The following OPCML variants were observed in gnomAD, a reference collection of about 807,000 sequenced individuals.
The protein encoded by OPCML is opioid binding protein/cell adhesion molecule like.
In OPCML, 13 loss-of-function variants were observed where a neutral mutation model predicts 37.8. That is an observed-to-expected ratio of 0.34 (90% confidence interval 0.22 to 0.55). OPCML has a LOEUF of 0.55. Ranked by LOEUF, OPCML falls within the 20% of genes least tolerant of loss-of-function variation. OPCML has a pLI of 0.91. For synonymous variants in OPCML, 176 were observed against 168.8 expected (o/e 1.04, Z -0.33); for missense variants, 341 against 435.6 (o/e 0.78, Z 1.93).
intron 1 of OPCML, among the ~76,000 whole-genome samples, chr11:133,158,698 AAAAATAAAATTAAAAAAAT>A (rs1281110261): frequency 2.9e-4 from 40 of 139,032 alleles, no homozygotes; most frequent in Non-Finnish European, 3.0e-5. Flanking sequence ...GACTCTGTCT[AAAAATAAAATTAAAAAAAT>A]AAAATAAAAT....
intron 2 of OPCML, among the ~76,000 whole-genome samples, chr11:132,748,150 T>A (rs1373041676): frequency 1.3e-5 from 2 of 151,782 alleles, no homozygotes; most frequent in Non-Finnish European, 2.9e-5. Flanking sequence ...AAAGTTATCA[T>A]AACAGATTGG....
chr11:133,333,978 T>C (rs1943684012), intron 1 of OPCML, among the ~76,000 whole-genome samples: 1 of 152,112 alleles, frequency 6.6e-6, no homozygotes, highest in African/African-American at 2.4e-5. Context: ...CTGTTTATAA[T>C]AAGTTAAAAA....
intron 1 of OPCML, among the ~76,000 whole-genome samples, chr11:133,303,696 G>A (rs1379377751): frequency 6.6e-6 from 1 of 152,100 alleles, no homozygotes; most frequent in Non-Finnish European, 1.5e-5. Context: ...ATAAACTGAT[G>A]TTAGTCATTT....
intron 2 of OPCML, among the ~76,000 whole-genome samples, chr11:132,872,365 T>C (rs1361899857): frequency 6.6e-6 from 1 of 152,210 alleles, no homozygotes; most frequent in East Asian, 1.9e-4. Flanking sequence ...GTTGCAGATC[T>C]GGCGTGCTGC....
At chr11:132,685,088 T>G (rs1312415273) in intron 2 of OPCML, among the ~76,000 whole-genome samples, 1 of 152,232 alleles carries the variant, frequency 6.6e-6, no homozygotes, top group East Asian at 1.9e-4. Flanking sequence ...TTATGTATTG[T>G]CAATGTAACT....
chr11:133,525,855 A>G (rs909979098), intron 1 of OPCML, among the ~76,000 whole-genome samples: 1 of 152,208 alleles, frequency 6.6e-6, no homozygotes, highest in African/African-American at 2.4e-5. Context: ...GAGCCATTCC[A>G]ATCAACGGCC....
intron 4 of OPCML, among the ~76,000 whole-genome samples, chr11:132,526,987 G>A (rs1056507889): frequency 6.6e-6 from 1 of 152,016 alleles, no homozygotes; most frequent in African/African-American, 2.4e-5. Flanking sequence ...CATACAGCAT[G>A]TATTTTTTAA....
intron 2 of OPCML, among the ~76,000 whole-genome samples, chr11:132,823,608 C>A (rs1165065378): frequency 1.3e-5 from 2 of 152,062 alleles, no homozygotes; most frequent in African/African-American, 2.4e-5. Flanking sequence ...AACAAACAAA[C>A]AAACAAAAGC....
At chr11:133,176,843 T>C (rs1212353657) in intron 1 of OPCML, among the ~76,000 whole-genome samples, 1 of 152,162 alleles carries the variant, frequency 6.6e-6, no homozygotes. Flanking sequence ...CCACACAATC[T>C]CTGCTGTGGT....
intron 1 of OPCML, among the ~76,000 whole-genome samples, chr11:133,102,148 C>A (rs899577046): frequency 1.3e-5 from 2 of 152,116 alleles, no homozygotes; most frequent in Non-Finnish European, 2.9e-5. Flanking sequence ...ATACATTTGT[C>A]AAAACCCATA....
intron 2 of OPCML, among the ~76,000 whole-genome samples, chr11:132,799,739 A>C (rs2136199583): frequency 6.6e-6 from 1 of 152,156 alleles, no homozygotes; most frequent in East Asian, 1.9e-4. Flanking sequence ...ACTTGTAAAA[A>C]AAAAAATGTG....
At position 133,003,912 on chromosome 11, in the gene OPCML, T is replaced by G. The variant is rs893772625; in HGVS notation, c.62-60902A>C. 6.1e-6 allele frequency: 6 copies of G among 985,244 alleles called. No homozygotes were observed. The African/African-American group carries it at 7.0e-5, about 11-fold the overall frequency. 61.0% of individuals were successfully genotyped at this position (985,244 alleles called of 1,614,324 possible). A position where few individuals can be genotyped will look rare whatever the true frequency, so the allele number is the denominator to read the frequency against. ...TTGTCAGGATCCCCGCCAATCCCGG[T>G]GGGGCTTCTGGTCACACAGGCTGGC... On this transcript the variant is annotated intron_variant, in intron 1 of 7. Coordinates refer to ENST00000524381, the MANE Select transcript of OPCML (RefSeq NM_001012393.5).
Position 133,107,780 on chromosome 11 carries a change from A to T in OPCML, c.62-164770T>A. ...TACAGCAGAATGATGCTCTCTTGACACTGAAGATTGGAATCTACACAAATG... is the reference window on the plus strand; with the variant it reads ...TACAGCAGAATGATGCTCTCTTGACTCTGAAGATTGGAATCTACACAAATG... On this transcript the variant is annotated intron_variant, in intron 1 of 7. Coordinates refer to ENST00000524381, the MANE Select transcript of OPCML (RefSeq NM_001012393.5). 1.3e-5 allele frequency among the ~76,000 whole-genome samples: 2 copies of T among 151,634 alleles called. 1 individual carries two copies. The highest frequency in any genetic ancestry group is 4.2e-4 in the South Asian group (2 of 4,796).
At chr11:133,505,385 A>AG (rs1948003900) in intron 1 of OPCML, among the ~76,000 whole-genome samples, 1 of 152,216 alleles carries the variant, frequency 6.6e-6, no homozygotes, top group South Asian at 2.1e-4. Context: ...GAGAAAGCCC[A>AG]GGGGGAACAC....
chr11:133,296,428 T>C (rs1467204621), intron 1 of OPCML, among the ~76,000 whole-genome samples: 1 of 152,194 alleles, frequency 6.6e-6, no homozygotes, highest in Non-Finnish European at 1.5e-5. Flanking sequence ...TTCATGATTC[T>C]GGAAGCCCGC....
chr11:133,263,004 C>A (rs1009156428), intron 1 of OPCML, among the ~76,000 whole-genome samples: 5 of 151,646 alleles, frequency 3.3e-5, no homozygotes, highest in African/African-American at 4.8e-5. Flanking sequence ...CCCACTTAAC[C>A]TTATCCCAAA....
intron 1 of OPCML, among the ~76,000 whole-genome samples, chr11:133,448,252 T>C (rs1468656344): frequency 6.6e-6 from 1 of 152,246 alleles, no homozygotes; most frequent in African/African-American, 2.4e-5. Flanking sequence ...ATTTTGCATG[T>C]GGATATTCAG....
intron 1 of OPCML, among the ~76,000 whole-genome samples, chr11:133,145,029 G>A (rs1295765131): frequency 6.6e-6 from 1 of 152,240 alleles, no homozygotes; most frequent in African/African-American, 2.4e-5. Context: ...TGGGAGCTGA[G>A]TCTTCAGGTG....
chr11:133,257,601 G>C (rs1941355829), intron 1 of OPCML, among the ~76,000 whole-genome samples: 1 of 152,164 alleles, frequency 6.6e-6, no homozygotes, highest in Admixed American at 6.5e-5. Context: ...ACATGGCTGA[G>C]AGCACCTCTC....
Sources: gnomAD v4.1 joint callset for allele counts (sites outside exome capture counted in the v4.1 genomes callset) on GRCh38, gnomAD v4.1.1 for gene constraint, MANE v1.5 for transcripts, NCBI Gene and HGNC (gene_info 2026-07-23, HGNC 2026-07-21) for gene names.